Variants in DYTN observed in about 807,000 individuals in gnomAD.
The protein encoded by DYTN is dystrotelin.
In DYTN, 75 loss-of-function variants were observed where a neutral mutation model predicts 69.6. The observed-to-expected ratio is 1.08, with a 90% confidence interval of 0.89 to 1.31. The LOEUF (loss-of-function observed/expected upper bound fraction) is 1.31, where lower values mean the gene tolerates loss of function less well. Ranked by LOEUF, DYTN falls within the 50% of genes most tolerant of loss-of-function variation. The pLI is 0.00. For synonymous variants in DYTN, 252 were observed against 249.1 expected (o/e 1.01, Z -0.11); for missense variants, 726 against 688.4 (o/e 1.05, Z -0.61).
chr2:206,681,025 C>T (rs1245763230), intron 9 of DYTN, among the ~76,000 whole-genome samples: 1 of 151,946 alleles, frequency 6.6e-6, no homozygotes, highest in Non-Finnish European at 1.5e-5. Flanking sequence ...AATATTCTAC[C>T]ATTTGTGTCC....
rs778155558 is a variant in DYTN, at chr2:206,663,047, C to A, written c.1489G>T (p.Ala497Ser). ...LKQDIPKMVP[A>S]EMSSPALAAV... is the part of the protein sequence containing the mutation. ...GCCAGAGCAGGACTGCTCATTTCAG[C>A]AGGAACCATTTTGGGGATGTCCTGC... Residue 497 changes from alanine to serine, a missense_variant, in exon 11 of 12, where the codon GCT (alanine) becomes TCT (serine). Ala to Ser is a moderately conservative substitution (Grantham distance 99). Coordinates refer to ENST00000452335, the MANE Select transcript of DYTN (RefSeq NM_001093730.1). 6.2e-7 allele frequency: 1 copy of A among 1,613,900 alleles called. No homozygotes were observed. Among genetic ancestry groups the A allele is most frequent in the Non-Finnish European group, 8.5e-7 (1 of 1,179,872 alleles).
intron 11 of DYTN, among the ~76,000 whole-genome samples, chr2:206,655,401 A>G (rs1291793850): frequency 6.6e-6 from 1 of 151,756 alleles, no homozygotes; most frequent in East Asian, 1.9e-4. Flanking sequence ...ATGTGTCACC[A>G]TGCCCAGCTA....
intron 2 of DYTN, among the ~76,000 whole-genome samples, chr2:206,708,148 C>T (rs1700045613): frequency 6.6e-6 from 1 of 152,148 alleles, no homozygotes; most frequent in Admixed American, 6.5e-5. Context: ...ACTACAGCTG[C>T]TTACAAAAAA....
chr2:206,681,880 G>T (rs1699754097), intron 9 of DYTN, among the ~76,000 whole-genome samples: 1 of 152,176 alleles, frequency 6.6e-6, no homozygotes, highest in African/African-American at 2.4e-5. Context: ...TCAGGATGAT[G>T]CTGGCCTCAT....
At chr2:206,679,249 G>A (rs1699724459) in intron 9 of DYTN, 1 of 152,130 alleles carries the variant, frequency 6.6e-6, no homozygotes, top group Admixed American at 6.5e-5. Flanking sequence ...TTTAGAAAAT[G>A]TACATTAGAT....
chr2:206,710,545 A>G lies in DYTN; in HGVS notation c.73T>C (p.Ser25Pro), dbSNP rs1399910598. The G allele has an allele frequency of 6.2e-7, 1 of 1,612,204 alleles. No individual in the cohort carries two copies. Among genetic ancestry groups the G allele is most frequent in the Non-Finnish European group, 8.5e-7 (1 of 1,179,244 alleles). Residue 25 changes from serine to proline, a missense_variant, in exon 2 of 12, where the codon TCA becomes CCA. Physicochemically the swap from Ser to Pro is moderately conservative, Grantham distance 74 (BLOSUM62 -1). Transcript: ENST00000452335. ...SIYRTAFKLQ[S>P]VQTLCQLDLI... ...TTACACTGGCACAGAGTTTGCACTG[A>G]TTGTAATTTGAAGGCTGTTCTATAA...
chr2:206,666,581 C>T lies in DYTN; in HGVS notation c.981-552G>A, dbSNP rs149451014. 3.3e-3 allele frequency among the ~76,000 whole-genome samples: 504 copies of T among 152,130 alleles called. 5 individuals carry two copies. Among genetic ancestry groups the T allele is most frequent in the Non-Finnish European group, 3.7e-3 (251 of 67,990 alleles). On this transcript the variant is annotated intron_variant, in intron 9 of 11. Transcript: ENST00000452335. ...TACTCCATTCAGAATGAAAGTACAC[C>T]CGTCATGGCTAAACACCCAACACTT...
intron 9 of DYTN, among the ~76,000 whole-genome samples, chr2:206,679,966 G>T (rs917843817): frequency 3.3e-5 from 5 of 152,128 alleles, no homozygotes; most frequent in African/African-American, 1.2e-4. Context: ...CAGACTGGGT[G>T]GTGTAAGCAA....
At chr2:206,694,911 C>T (rs1176562840) in intron 7 of DYTN, 34 bp from the exon 8 acceptor site, 6 of 1,001,948 alleles carry the variant, frequency 6.0e-6, no homozygotes, top group African/African-American at 1.8e-5. Context: ...GCTTACGTCA[C>T]TAGTAGATGA....
At chr2:206,688,869 A>G (rs1327924633) in intron 9 of DYTN, among the ~76,000 whole-genome samples, 1 of 152,002 alleles carries the variant, frequency 6.6e-6, no homozygotes, top group African/African-American at 2.4e-5. Context: ...TAATTTTTAC[A>G]TGTATTTTGA....
rs184199183 is a variant in DYTN, at chr2:206,674,660, A to G, written c.981-8631T>C. Among the ~76,000 whole-genome samples the G allele has an allele frequency of 3.3e-5, 5 of 152,224 alleles. No individual in the cohort carries two copies. The East Asian group carries it at 9.6e-4, about 29-fold the overall frequency. ...GATATTCTGATTCATAAATGTTGCA[A>G]TTCTAAATAGAAAACAAAATTTAAA... On this transcript the variant is annotated intron_variant, in intron 9 of 11. Coordinates refer to ENST00000452335, the MANE Select transcript of DYTN (RefSeq NM_001093730.1).
rs1700148595 is a variant in DYTN, at chr2:206,718,376, G to C, written c.-97C>G. 2.2e-6 allele frequency: 3 copies of C among 1,354,986 alleles called. No homozygotes were observed. The highest frequency in any genetic ancestry group is 4.7e-5 in the Admixed American group (2 of 42,406). 83.9% of individuals were successfully genotyped at this position (1,354,986 alleles called of 1,614,324 possible). ...GAAGGTTTTGCAGCAGAGGAATGAG[G>C]ACAGGGGAACAAAAAGGCAACTAAA... is the stretch of plus-strand genomic sequence containing the variant. On this transcript the variant is annotated 5_prime_UTR_variant, in exon 1 of 12. Coordinates refer to ENST00000452335, the MANE Select transcript of DYTN (RefSeq NM_001093730.1).
chr2:206,696,232 T>C (rs544615510), intron 7 of DYTN, among the ~76,000 whole-genome samples: 1 of 152,130 alleles, frequency 6.6e-6, no homozygotes, highest in Admixed American at 6.5e-5. Context: ...GTAACGAAGA[T>C]TGGGATGAGT....
At chr2:206,685,201 A>G (rs79416952) in intron 9 of DYTN, among the ~76,000 whole-genome samples, 13,042 of 151,962 alleles carry the variant, frequency 0.086, 837 homozygotes, top group East Asian at 0.21. Context: ...ATTTTCACCC[A>G]GGCTGGAGTG....
At chr2:206,674,538 T>C (rs1463927423) in intron 9 of DYTN, among the ~76,000 whole-genome samples, 1 of 152,118 alleles carries the variant, frequency 6.6e-6, no homozygotes, top group Non-Finnish European at 1.5e-5. Context: ...AGATAAATTA[T>C]TTCAAACACA....
rs1217844560 is a variant in DYTN, at chr2:206,693,314, T to A, written c.841A>T (p.Met281Leu). Residue 281 changes from methionine to leucine, a missense_variant, in exon 9 of 12, where the codon ATG becomes TTG. Met to Leu is a conservative substitution (Grantham distance 15). Transcript: ENST00000452335. ...CTGAAGAGAAGTTTTGTATTCTGCATTGCTGACATCTGCTGAAAGGGCCAA... is the reference window on the plus strand; with the variant it reads ...CTGAAGAGAAGTTTTGTATTCTGCAATGCTGACATCTGCTGAAAGGGCCAA... ...VIEHCIQMSA[M>L]QNTKLLFRTL... 2 of 1,612,284 alleles carry A rather than the reference T, an allele frequency of 1.2e-6. No individual in the cohort carries two copies. The highest frequency in any genetic ancestry group is 4.5e-5 in the East Asian group (2 of 44,882).
chr2:206,705,995 T>C, intron 3 of DYTN, 122 bp from the exon 4 acceptor site: 1 of 981,230 alleles, frequency 1.0e-6, no homozygotes, highest in Non-Finnish European at 1.5e-6. Flanking sequence ...GTTCCAACTT[T>C]TTGTGGCCTC....
At chr2:206,677,215 T>C (rs543487831) in intron 9 of DYTN, among the ~76,000 whole-genome samples, 5 of 152,324 alleles carry the variant, frequency 3.3e-5, no homozygotes, top group African/African-American at 9.6e-5. Context: ...CCTGAAGTGC[T>C]GGGATTACAG....
chr2:206,684,163 AT>A (rs895211856), intron 9 of DYTN, among the ~76,000 whole-genome samples: 1 of 152,046 alleles, frequency 6.6e-6, no homozygotes, highest in Non-Finnish European at 1.5e-5. Flanking sequence ...TTTTCTGAAA[AT>A]TCTGTAGCCA....
Sources: allele counts gnomAD v4.1 joint callset (sites outside exome capture counted in the v4.1 genomes callset), GRCh38; gene constraint gnomAD v4.1.1; transcripts MANE v1.5; gene names NCBI Gene and HGNC (gene_info 2026-07-23, HGNC 2026-07-21).